RHOT1: variants seen among roughly 807,000 people sequenced by gnomAD.
The protein encoded by RHOT1 is ras homolog family member T1.
In RHOT1, 27 loss-of-function variants were observed where a neutral mutation model predicts 95.3. That is an observed-to-expected ratio of 0.28 (90% confidence interval 0.21 to 0.39). The LOEUF (loss-of-function observed/expected upper bound fraction) is 0.39. Ranked by LOEUF, RHOT1 falls within the 10% of genes least tolerant of loss-of-function variation. The pLI, the probability that RHOT1 is intolerant of heterozygous loss-of-function variation, is 1.00. For missense variants in RHOT1, 578 were observed against 786.7 expected (o/e 0.73, Z 3.17); for synonymous variants, 227 against 263.5 (o/e 0.86, Z 1.34).
At chr17:32,221,985 A>G (rs927942122) in intron 19 of RHOT1, among the ~76,000 whole-genome samples, 1 of 152,266 alleles carries the variant, frequency 6.6e-6, no homozygotes, top group Admixed American at 6.5e-5. Flanking sequence ...ACAGATATCT[A>G]TATTTGAAGA....
chr17:32,142,670 G>A lies in RHOT1; in HGVS notation c.-23G>A. 6.6e-7 allele frequency: 1 copy of A among 1,526,172 alleles called. No individual in the cohort carries two copies. The allele number at this position is 1,526,172 out of a possible 1,614,324, so 94.5% of individuals were successfully genotyped here. A position where few individuals can be genotyped will look rare whatever the true frequency, so the allele number is the denominator to read the frequency against. ...GTCCACTCCGTGCGTGCGGGCGGAG[G>A]CCGGCCCCCGAGAGCCGCCGACATG... On this transcript the variant is annotated 5_prime_UTR_variant, in exon 1 of 20. Coordinates refer to ENST00000545287, the MANE Select transcript of RHOT1 (RefSeq NM_001033566.3).
chr17:32,207,868 TAATA>T (rs938352333), intron 17 of RHOT1, among the ~76,000 whole-genome samples: 15 of 152,332 alleles, frequency 9.8e-5, no homozygotes, highest in Admixed American at 5.2e-4. Flanking sequence ...TTTTTAATTG[TAATA>T]AATCTAAGGA....
intron 6 of RHOT1, among the ~76,000 whole-genome samples, chr17:32,177,673 T>G (rs1489295316): frequency 6.8e-6 from 1 of 146,230 alleles, no homozygotes; most frequent in Non-Finnish European, 1.5e-5. Flanking sequence ...GAGAATGGCA[T>G]GAACCCAGGA....
chr17:32,174,558 G>T (rs1285237986), intron 3 of RHOT1, among the ~76,000 whole-genome samples: 1 of 152,132 alleles, frequency 6.6e-6, no homozygotes, highest in African/African-American at 2.4e-5. Flanking sequence ...TTAACCCATT[G>T]ATTACTTAAC....
At chr17:32,206,696 G>A (rs749851063) in intron 16 of RHOT1, among the ~76,000 whole-genome samples, 37 of 151,596 alleles carry the variant, frequency 2.4e-4, no homozygotes, top group Non-Finnish European at 4.7e-4. Flanking sequence ...CTTGTGATCC[G>A]CCCACCTCGG....
intron 8 of RHOT1, among the ~76,000 whole-genome samples, chr17:32,190,531 G>A (rs939126990): frequency 6.6e-6 from 1 of 151,926 alleles, no homozygotes; most frequent in African/African-American, 2.4e-5. Context: ...TATTATGTGA[G>A]GAAAAATCAC....
chr17:32,143,135 C>A (rs928621666), intron 1 of RHOT1: 2 of 534,326 alleles, frequency 3.7e-6, no homozygotes, highest in Admixed American at 2.3e-5. Flanking sequence ...CTGGAGATTC[C>A]CTTATCACTG....
At chr17:32,222,810 G>A (rs2038913766) in intron 19 of RHOT1, 4 of 979,970 alleles carry the variant, frequency 4.1e-6, no homozygotes, top group Admixed American at 6.2e-5. Flanking sequence ...CAGACGATGA[G>A]GGCAGTATTA....
chr17:32,144,207 G>A (rs1414744425), intron 1 of RHOT1, among the ~76,000 whole-genome samples: 1 of 152,132 alleles, frequency 6.6e-6, no homozygotes, highest in South Asian at 2.1e-4. Context: ...GTTTGTTGTT[G>A]TTGTTGTTTT....
At chr17:32,164,218 T>G (rs549471405) in intron 1 of RHOT1, among the ~76,000 whole-genome samples, 1 of 152,172 alleles carries the variant, frequency 6.6e-6, no homozygotes, top group Non-Finnish European at 1.5e-5. Flanking sequence ...TAAATTTTAG[T>G]TGTCATCTTT....
At chr17:32,206,221 T>C (rs1046393852) in intron 16 of RHOT1, among the ~76,000 whole-genome samples, 1 of 139,682 alleles carries the variant, frequency 7.2e-6, no homozygotes, top group Non-Finnish European at 1.5e-5. Context: ...TTTTTTTTTT[T>C]TGAGACAAGG....
chr17:32,215,108 G>A (rs1201124306), intron 19 of RHOT1, among the ~76,000 whole-genome samples: 2 of 151,602 alleles, frequency 1.3e-5, no homozygotes, highest in Non-Finnish European at 2.9e-5. Flanking sequence ...GTCTCAAACT[G>A]GTCTCGAACT....
intron 19 of RHOT1, among the ~76,000 whole-genome samples, chr17:32,223,457 C>T (rs898889903): frequency 6.6e-6 from 1 of 151,336 alleles, no homozygotes; most frequent in African/African-American, 2.4e-5. Flanking sequence ...CTCTGTCACC[C>T]AGGCTGGAGT....
intron 1 of RHOT1, among the ~76,000 whole-genome samples, chr17:32,165,254 G>A (rs554171173): frequency 1.1e-4 from 16 of 142,166 alleles, no homozygotes; most frequent in Admixed American, 5.2e-4. Flanking sequence ...GGAGAATGGC[G>A]TAAACCCAAG....
chr17:32,202,672 A>G (rs556847227), intron 14 of RHOT1, 98 bp from the exon 15 acceptor site: 1 of 777,902 alleles, frequency 1.3e-6, no homozygotes, highest in Non-Finnish European at 2.0e-6. Context: ...CATAAAAATA[A>G]TAAGCAGCAA....
At chr17:32,205,466 T>G (rs1156997737) in intron 16 of RHOT1, among the ~76,000 whole-genome samples, 2 of 152,244 alleles carry the variant, frequency 1.3e-5, no homozygotes, top group African/African-American at 4.8e-5. Flanking sequence ...GTAATCTGAA[T>G]CAAGTTTATT....
At chr17:32,218,747 G>C (rs1210383251) in intron 19 of RHOT1, among the ~76,000 whole-genome samples, 1 of 151,866 alleles carries the variant, frequency 6.6e-6, no homozygotes, top group African/African-American at 2.4e-5. Flanking sequence ...CCAGGAGGTT[G>C]AGGCTGCAGT....
intron 16 of RHOT1, 75 bp downstream of exon 16, chr17:32,204,048 G>C: frequency 9.9e-7 from 1 of 1,009,052 alleles, no homozygotes; most frequent in South Asian, 1.4e-5. Flanking sequence ...AAACAAATTG[G>C]CTTCAATTGA....
intron 11 of RHOT1, among the ~76,000 whole-genome samples, chr17:32,195,040 T>A (rs1243111630): frequency 2.0e-5 from 3 of 152,070 alleles, no homozygotes; most frequent in African/African-American, 7.2e-5. Context: ...TTAACCAGAA[T>A]GGTCTCGATC....
Sources: allele counts gnomAD v4.1 joint callset (sites outside exome capture counted in the v4.1 genomes callset), GRCh38; gene constraint gnomAD v4.1.1; transcripts MANE v1.5; gene names NCBI Gene and HGNC (gene_info 2026-07-23, HGNC 2026-07-21).